EQTN: variants seen among roughly 807,000 people sequenced by gnomAD.
EQTN encodes the protein Acrosome formation associated factor.
Under a neutral mutation model 26.9 loss-of-function variants are expected in EQTN, and 29 were observed. The observed-to-expected ratio is 1.08, with a 90% CI of 0.80 to 1.47. The LOEUF is 1.47. Among genes scored for constraint, EQTN ranks in the 40% most tolerant of loss-of-function variants. The probability of loss-of-function intolerance (pLI) is 0.00; values close to 1 mark genes in which losing one functional copy is unlikely to be tolerated. For synonymous variants in EQTN, 129 were observed against 120.0 expected (o/e 1.07, Z -0.49); for missense variants, 391 against 346.1 (o/e 1.13, Z -1.03).
intron 3 of EQTN, among the ~76,000 whole-genome samples, chr9:27,293,470 T>C (rs769723154): frequency 6.6e-6 from 1 of 152,190 alleles, no homozygotes; most frequent in Non-Finnish European, 1.5e-5. Flanking sequence ...GTCCCTACCA[T>C]GCCAGCAGGT....
At chr9:27,286,150 A>G in intron 7 of EQTN, 59 bp downstream of exon 7, 1 of 1,512,328 alleles carries the variant, frequency 6.6e-7, no homozygotes, top group South Asian at 1.2e-5. Context: ...TAAAGAGAGG[A>G]GGGAGAGAAT....
In EQTN at chr9:27,286,313, A is replaced by G; in HGVS notation, c.531T>C (p.Asp177=). ...TTCCCAGCATTATTTTGATCTTCAG[A>G]TCCTCTAGATCTGGCTGATTTTCTC... ...TQGENQPDLE[D]LKIKIMLGIS... Residue 177 remains aspartate, a synonymous_variant, in exon 7 of 8, where the codon GAT becomes GAC. Coordinates refer to ENST00000380032, the MANE Select transcript of EQTN (RefSeq NM_020641.3). The G allele has an allele frequency of 6.2e-7, 1 of 1,607,630 alleles. No individual in the cohort carries two copies. The highest frequency in any genetic ancestry group is 8.5e-7 in the Non-Finnish European group (1 of 1,176,882).
Position 27,284,864 on chromosome 9 carries a change from C to A in EQTN, c.744G>T (p.Glu248Asp). Residue 248 changes from glutamate to aspartate, a missense_variant, in exon 8 of 8, where the codon GAG becomes GAT. Physicochemically the swap from Glu to Asp is conservative, Grantham distance 45. Transcript: ENST00000380032. ...VSDTSFSKSA[E>D]SSTFLGTTSS... ...AAGTGGTACCCAAAAATGTGCTGCTCTCTGCACTCTTGGAAAAGGATGTAT... is the reference window on the plus strand; with the variant it reads ...AAGTGGTACCCAAAAATGTGCTGCTATCTGCACTCTTGGAAAAGGATGTAT... The A allele has an allele frequency of 6.2e-7, 1 of 1,614,074 alleles. No individual in the cohort carries two copies. The highest frequency in any genetic ancestry group is 8.5e-7 in the Non-Finnish European group (1 of 1,180,018).
intron 6 of EQTN, among the ~76,000 whole-genome samples, chr9:27,287,124 T>G (rs552117917): frequency 1.3e-5 from 2 of 152,296 alleles, no homozygotes; most frequent in African/African-American, 2.4e-5. Flanking sequence ...AACATGTTAT[T>G]TCTCCCCTTT....
At position 27,296,957 on chromosome 9, in the gene EQTN, A is replaced by G. The variant is rs745529643; in HGVS notation, c.76+23T>C. 11 of 1,606,536 alleles carry G rather than the reference A, an allele frequency of 6.8e-6. No individual in the cohort carries two copies. In the South Asian group the frequency reaches 1.1e-4, roughly 16 times the overall value. On this transcript the variant is annotated intron_variant, in intron 1 of 7. Coordinates refer to ENST00000380032, the MANE Select transcript of EQTN (RefSeq NM_020641.3). ...CATCCTTCTTACCTACTATTTTTATAAAAGTTTTAAATGCTCTCTCACCTT... is the reference window on the plus strand; with the variant it reads ...CATCCTTCTTACCTACTATTTTTATGAAAGTTTTAAATGCTCTCTCACCTT...
intron 7 of EQTN, 110 bp downstream of exon 7, chr9:27,286,099 G>A (rs142661318): frequency 1.5e-5 from 16 of 1,067,054 alleles, no homozygotes; most frequent in East Asian, 5.0e-5. Flanking sequence ...TTTGAATGTC[G>A]TATGGATGAA....
chr9:27,286,148 G>A, intron 7 of EQTN, 61 bp downstream of exon 7: 2 of 1,505,420 alleles, frequency 1.3e-6, no homozygotes, highest in African/African-American at 1.4e-5. Context: ...ACTAAAGAGA[G>A]GAGGGAGAGA....
intron 5 of EQTN, 71 bp from the exon 6 acceptor site, chr9:27,289,802 T>C: frequency 3.3e-6 from 4 of 1,204,538 alleles, no homozygotes; most frequent in East Asian, 2.4e-5. Context: ...TATGTATGTG[T>C]ATGTATAATT....
At chr9:27,288,580 G>T (rs1820166092) in intron 6 of EQTN, among the ~76,000 whole-genome samples, 1 of 152,204 alleles carries the variant, frequency 6.6e-6, no homozygotes, top group Non-Finnish European at 1.5e-5. Flanking sequence ...GTTTACAATA[G>T]CTTTTTTCAT....
chr9:27,292,258 G>T (rs1321857708), intron 4 of EQTN, 143 bp downstream of exon 4: 5 of 449,720 alleles, frequency 1.1e-5, no homozygotes, highest in East Asian at 3.4e-5. Flanking sequence ...CCATTTAAAA[G>T]ATTTTAGTGA....
intron 4 of EQTN, 85 bp downstream of exon 4, chr9:27,292,316 G>T: frequency 1.3e-6 from 1 of 776,800 alleles, no homozygotes; most frequent in Non-Finnish European, 2.0e-6. Context: ...ATGGCTTTAT[G>T]TAATGCTCAG....
intron 4 of EQTN, among the ~76,000 whole-genome samples, chr9:27,291,873 G>A (rs1820242246): frequency 6.6e-6 from 1 of 152,074 alleles, no homozygotes; most frequent in Non-Finnish European, 1.5e-5. Context: ...GACCTTAGAG[G>A]AGAGCCATCC....
At chr9:27,293,281 A>C (rs182630206) in intron 3 of EQTN, among the ~76,000 whole-genome samples, 20 of 152,330 alleles carry the variant, frequency 1.3e-4, no homozygotes, top group Admixed American at 5.2e-4. Flanking sequence ...GAACTCGAAA[A>C]GTGAGTAAGT....
At chr9:27,289,092 G>A (rs1303422960) in intron 6 of EQTN, among the ~76,000 whole-genome samples, 1 of 152,174 alleles carries the variant, frequency 6.6e-6, no homozygotes, top group Non-Finnish European at 1.5e-5. Flanking sequence ...GGAAACTGAG[G>A]AGGGTGAAAT....
Position 27,286,265 on chromosome 9 carries a change from G to A in EQTN, c.579C>T (p.Leu193=). Residue 193 remains leucine, a synonymous_variant, in exon 7 of 8, where the codon CTC becomes CTT. Transcript: ENST00000380032. ...TACAGAATGCCAAGAGGACCACAAA[G>A]AGGAGGAGGGTCATCAACGAGATTC... ...MLGISLMTLL[L]FVVLLAFCSA... The A allele has an allele frequency of 1.2e-6, 2 of 1,613,822 alleles. No homozygotes were observed. The highest frequency in any genetic ancestry group is 1.7e-6 in the Non-Finnish European group (2 of 1,179,914).
intron 2 of EQTN, among the ~76,000 whole-genome samples, chr9:27,295,361 TA>T (rs1178621620): frequency 6.6e-6 from 1 of 152,146 alleles, no homozygotes; most frequent in Non-Finnish European, 1.5e-5. Flanking sequence ...ACAGACAGTT[TA>T]AAAAAACAAG....
In EQTN at chr9:27,286,348, C is replaced by T. The variant is rs1452826701; in HGVS notation, c.496G>A (p.Ala166Thr). 6.3e-7 allele frequency: 1 copy of T among 1,594,736 alleles called. No individual in the cohort carries two copies. The highest frequency in any genetic ancestry group is 1.1e-5 in the South Asian group (1 of 88,042). The change falls in exon 7 of 8, where the codon GCT becomes ACT. Residue 166 changes from alanine to threonine, a missense_variant. By Grantham distance (58) the Ala-to-Thr change is moderately conservative. Transcript: ENST00000380032. The stretch of plus-strand genomic sequence containing the variant: ...TCTGGCTGATTTTCTCCCTGTGTAG[C>T]ATTCACATCAGACTCTGAAAAGAAA... The part of the protein sequence containing the change: ...FHPIPESDVN[A>T]TQGENQPDLE...
intron 6 of EQTN, among the ~76,000 whole-genome samples, chr9:27,287,924 C>T (rs943352885): frequency 6.6e-6 from 1 of 152,172 alleles, no homozygotes; most frequent in African/African-American, 2.4e-5. Flanking sequence ...TTGCCTCAGC[C>T]TCCTGAGTAG....
chr9:27,296,656 AGGAGCATAATTG>A lies in EQTN; in HGVS notation c.147_158del (p.Asn50_Pro53del), dbSNP rs776647552. ...AATAATTGCCATTTTTCTCATTAGC[AGGAGCATAATTG>A]GGAGTATGATCTTCATTCTTTTCTT... On this transcript the variant is annotated inframe_deletion, in exon 2 of 8. Coordinates refer to ENST00000380032, the MANE Select transcript of EQTN (RefSeq NM_020641.3). 1 of 1,586,396 alleles carries A rather than the reference AGGAGCATAATTG, an allele frequency of 6.3e-7. No individual in the cohort carries two copies. Among genetic ancestry groups the A allele is most frequent in the Non-Finnish European group, 8.6e-7 (1 of 1,157,896 alleles).
Sources: gnomAD v4.1 joint callset for allele counts (sites outside exome capture counted in the v4.1 genomes callset) on GRCh38, gnomAD v4.1.1 for gene constraint, MANE v1.5 for transcripts, NCBI Gene and HGNC (gene_info 2026-07-23, HGNC 2026-07-21) for gene names.